The following DNAI4 variants were observed in gnomAD, a reference collection of about 807,000 sequenced individuals.
DNAI4 encodes the protein WD repeat domain 78.
In DNAI4, 85 loss-of-function variants were observed where a neutral mutation model predicts 105.8. The ratio of observed to expected loss-of-function variants is 0.80; its 90% CI spans 0.67 to 0.96. The LOEUF is 0.96. Ranked by LOEUF, DNAI4 falls within the 40% of genes least tolerant of loss-of-function variation. DNAI4 has a pLI of 0.00. For missense variants in DNAI4, 1,014 were observed against 1,005.6 expected (o/e 1.01, Z -0.11); for synonymous variants, 352 against 331.5 (o/e 1.06, Z -0.67).
At chr1:66,822,269 G>T in intron 16 of DNAI4, 92 bp downstream of exon 16, 1 of 1,157,550 alleles carries the variant, frequency 8.6e-7, no homozygotes, top group Non-Finnish European at 1.2e-6. Context: ...TTACACCTAA[G>T]ATATTGAGAA....
intron 1 of DNAI4, among the ~76,000 whole-genome samples, chr1:66,914,064 C>T (rs1299548458): frequency 3.3e-5 from 5 of 151,416 alleles, no homozygotes; most frequent in African/African-American, 1.2e-4. Flanking sequence ...ACATATCAAT[C>T]CACCACACAA....
rs151194061 is a variant in DNAI4 at position 66,827,899 on chromosome 1, G to C, written c.2025C>G (p.Ile675Met). ...GACCTTCTTCAGTGCCAGCCAAATA[G>C]ATATTTGTGTCCTACAACACAAAAC... ...CFAFHPKDTN[I>M]YLAGTEEGHI... Residue 675 changes from isoleucine to methionine, a missense_variant, in exon 14 of 17, where the codon ATC becomes ATG. By Grantham distance (10) the Ile-to-Met change is conservative (BLOSUM62 1). Coordinates refer to ENST00000371026, the MANE Select transcript of DNAI4 (RefSeq NM_024763.5). 88 of 1,601,656 alleles carry C rather than the reference G, an allele frequency of 5.5e-5. No individual in the cohort carries two copies. The highest frequency in any genetic ancestry group is 7.2e-5 in the Non-Finnish European group (84 of 1,173,842).
Position 66,840,554 on chromosome 1 carries a change from G to A in DNAI4, c.1409C>T (p.Ala470Val). Residue 470 changes from alanine (A) to valine (V), a missense_variant, in exon 9 of 17, where the codon GCC (alanine) becomes GTC (valine). Physicochemically the swap from Ala to Val is moderately conservative, Grantham distance 64 (BLOSUM62 0). Coordinates refer to ENST00000371026, the MANE Select transcript of DNAI4 (RefSeq NM_024763.5). Reference protein sequence around the residue: ...EIHAEESTIPANLERLWSFSC... With the variant: ...EIHAEESTIPVNLERLWSFSC... ...AAAAGACCAAAGTCGTTCCAAGTTG[G>A]CGGGTATTGTTGATTCTTCTGCATG... 6.8e-6 allele frequency: 11 copies of A among 1,614,194 alleles called. No individual in the cohort carries two copies. The highest frequency in any genetic ancestry group is 9.3e-6 in the Non-Finnish European group (11 of 1,180,036).
rs1447501127 is a variant in DNAI4, at chr1:66,850,104, C to T, written c.1097-2426G>A. On this transcript the variant is annotated intron_variant, in intron 7 of 16. Transcript: ENST00000371026. ...ATGATAAACTCAAAGAAATGCACAC[C>T]AAGACACACCATACTAAAATTTCTA... Among the ~76,000 whole-genome samples the T allele has an allele frequency of 2.8e-5, 4 of 142,584 alleles. No homozygotes were observed. In the East Asian group the frequency reaches 8.6e-4, roughly 31 times the overall value. The allele number at this position is 142,584 out of a possible 152,430, so 93.5% of individuals were successfully genotyped here.
chr1:66,828,827 A>G (rs1222001073), intron 13 of DNAI4, among the ~76,000 whole-genome samples: 1 of 152,178 alleles, frequency 6.6e-6, no homozygotes, highest in Non-Finnish European at 1.5e-5. Flanking sequence ...ATATTTTCCT[A>G]CATTTTCTTC....
intron 13 of DNAI4, among the ~76,000 whole-genome samples, chr1:66,830,107 G>GA (rs1235542235): frequency 6.6e-6 from 1 of 150,688 alleles, no homozygotes; most frequent in Non-Finnish European, 1.5e-5. Context: ...CATTAGAAAA[G>GA]AAAAAAGTCA....
At chr1:66,849,986 T>G (rs181871373) in intron 7 of DNAI4, among the ~76,000 whole-genome samples, 2 of 152,086 alleles carry the variant, frequency 1.3e-5, no homozygotes, top group African/African-American at 2.4e-5. Flanking sequence ...GGGGTGAGCC[T>G]GAAAAAGTAC....
chr1:66,865,797 T>C (rs1646720489), intron 6 of DNAI4, among the ~76,000 whole-genome samples: 1 of 152,218 alleles, frequency 6.6e-6, no homozygotes, highest in East Asian at 1.9e-4. Context: ...TCTTATGGAA[T>C]TAGTCACTTC....
intron 1 of DNAI4, among the ~76,000 whole-genome samples, chr1:66,905,708 A>C (rs1255679111): frequency 6.6e-6 from 1 of 152,108 alleles, no homozygotes. Context: ...TCTGGGTCTT[A>C]GTTTCTTTGT....
intron 7 of DNAI4, chr1:66,848,044 T>C (rs1646315322): frequency 2.7e-6 from 1 of 368,774 alleles, no homozygotes; most frequent in African/African-American, 2.1e-5. Flanking sequence ...AGTTTTCTCT[T>C]GCTGCTGTAA....
intron 1 of DNAI4, among the ~76,000 whole-genome samples, chr1:66,905,894 T>C (rs76545350): frequency 0.026 from 4,006 of 151,576 alleles, 79 homozygotes; most frequent in Middle Eastern, 0.059. Flanking sequence ...AAGAATAGCG[T>C]GTTCCTTCCT....
intron 1 of DNAI4, among the ~76,000 whole-genome samples, chr1:66,915,897 A>G (rs1453122772): frequency 6.6e-6 from 1 of 152,094 alleles, no homozygotes. Context: ...TGAGGTGGGC[A>G]GGTCACCTGA....
rs1387856161 is a variant in DNAI4, at chr1:66,814,001, A to G, written c.*129T>C. 7.0e-6 allele frequency: 4 copies of G among 574,790 alleles called. No individual in the cohort carries two copies. The highest frequency in any genetic ancestry group is 1.1e-5 in the Non-Finnish European group (4 of 350,878). 35.6% of individuals were successfully genotyped at this position (574,790 alleles called of 1,614,324 possible). A position where few individuals can be genotyped will look rare whatever the true frequency, so the allele number is the denominator to read the frequency against. On this transcript the variant is annotated 3_prime_UTR_variant, in exon 17 of 17. Coordinates refer to ENST00000371026, the MANE Select transcript of DNAI4 (RefSeq NM_024763.5). ...TGAAATAAAAGTTTATTAAATTTAA[A>G]TTAAGTGGAAGTTATACATCAAATA...
intron 3 of DNAI4, 152 bp downstream of exon 3, chr1:66,893,077 G>GAAAGAAAGAA: frequency 5.4e-6 from 2 of 367,654 alleles, no homozygotes; most frequent in Non-Finnish European, 9.4e-6. Context: ...AAGAAAGAAA[G>GAAAGAAAGAA]AAAGAAAGAA....
At chr1:66,900,678 C>A (rs1367405526) in intron 2 of DNAI4, among the ~76,000 whole-genome samples, 1 of 152,106 alleles carries the variant, frequency 6.6e-6, no homozygotes, top group African/African-American at 2.4e-5. Context: ...TGAAATAAAT[C>A]ATTCTTAATT....
intron 1 of DNAI4, among the ~76,000 whole-genome samples, chr1:66,907,552 A>C (rs1278388749): frequency 6.6e-6 from 1 of 152,030 alleles, no homozygotes; most frequent in Non-Finnish European, 1.5e-5. Context: ...CACTATATAC[A>C]CTATCCCTGA....
intron 1 of DNAI4, among the ~76,000 whole-genome samples, chr1:66,918,179 T>C (rs950199046): frequency 4.6e-5 from 7 of 152,214 alleles, no homozygotes; most frequent in African/African-American, 1.7e-4. Flanking sequence ...TTGCATTGTA[T>C]AGAAATAATT....
chr1:66,905,849 T>C (rs1048890498), intron 1 of DNAI4, among the ~76,000 whole-genome samples: 18 of 151,868 alleles, frequency 1.2e-4, no homozygotes, highest in African/African-American at 3.9e-4. Context: ...TGCAGTTACA[T>C]AGGCAGATTT....
intron 13 of DNAI4, among the ~76,000 whole-genome samples, chr1:66,832,361 G>C (rs1645884065): frequency 6.6e-6 from 1 of 152,190 alleles, no homozygotes; most frequent in South Asian, 2.1e-4. Context: ...TTTGCATAAT[G>C]AGGTAGATGA....
Sources: gnomAD v4.1 joint callset for allele counts (sites outside exome capture counted in the v4.1 genomes callset) on GRCh38, gnomAD v4.1.1 for gene constraint, MANE v1.5 for transcripts, NCBI Gene and HGNC (gene_info 2026-07-23, HGNC 2026-07-21) for gene names.